BRD7: variants seen among roughly 807,000 people sequenced by gnomAD.
BRD7 encodes bromodomain-containing protein 7.
BRD7 carries 15 observed loss-of-function variants against 82.1 expected under a neutral mutation model. The ratio of observed to expected loss-of-function variants is 0.18; its 90% CI spans 0.12 to 0.28. The LOEUF is 0.28. BRD7 is among the 10% of genes least tolerant of loss of function. The pLI is 1.00. For missense variants in BRD7, 638 were observed against 779.9 expected (o/e 0.82, Z 2.17); for synonymous variants, 232 against 266.9 (o/e 0.87, Z 1.27).
At chr16:50,349,799 C>T (rs1478902379) in intron 5 of BRD7, among the ~76,000 whole-genome samples, 4 of 152,144 alleles carry the variant, frequency 2.6e-5, no homozygotes, top group Non-Finnish European at 4.4e-5. Flanking sequence ...CTCAAAATTT[C>T]GCTAAAGACA....
intron 9 of BRD7, among the ~76,000 whole-genome samples, chr16:50,327,012 G>A (rs754554823): frequency 4.6e-5 from 7 of 152,204 alleles, no homozygotes; most frequent in Non-Finnish European, 8.8e-5. Context: ...AAGAGTCTGA[G>A]TTTGTGTCAC....
chr16:50,325,711 T>A, intron 11 of BRD7, 37 bp downstream of exon 11: 1 of 1,544,356 alleles, frequency 6.5e-7, no homozygotes, highest in South Asian at 1.2e-5. Context: ...TTAATGTTTT[T>A]AAACAAATGT....
At chr16:50,319,461 T>C (rs559578272) in intron 16 of BRD7, among the ~76,000 whole-genome samples, 195 bp from the exon 17 acceptor site, 10 of 152,330 alleles carry the variant, frequency 6.6e-5, no homozygotes, top group Non-Finnish European at 1.3e-4. Context: ...ATTAATTCTT[T>C]AGACAAGATA....
intron 11 of BRD7, among the ~76,000 whole-genome samples, chr16:50,324,434 T>C (rs919801892): frequency 6.6e-6 from 1 of 152,178 alleles, no homozygotes; most frequent in Non-Finnish European, 1.5e-5. Context: ...CTGCTCGCAA[T>C]CCACCAGTAA....
Position 50,319,283 on chromosome 16 carries a change from T to C in BRD7, c.1901-17A>G. Reference sequence around the variant, plus strand: ...CTTCAGTGTCTGAAAGAAAAAGACATCACTTAATTCAACATTGTTTTTACC... The same window carrying C: ...CTTCAGTGTCTGAAAGAAAAAGACACCACTTAATTCAACATTGTTTTTACC... On this transcript the variant is annotated splice_polypyrimidine_tract_variant and intron_variant, in intron 16 of 16. Transcript: ENST00000394688. 6.2e-7 allele frequency: 1 copy of C among 1,610,018 alleles called. No individual in the cohort carries two copies. The highest frequency in any genetic ancestry group is 1.7e-4 in the Middle Eastern group (1 of 6,046).
chr16:50,323,944 C>T (rs1415652109), intron 11 of BRD7, among the ~76,000 whole-genome samples: 2 of 152,100 alleles, frequency 1.3e-5, no homozygotes, highest in African/African-American at 2.4e-5. Context: ...AGGCTCAGTC[C>T]CTGGATCTTC....
chr16:50,347,885 T>G (rs2038353920), intron 5 of BRD7, among the ~76,000 whole-genome samples: 1 of 152,202 alleles, frequency 6.6e-6, no homozygotes, highest in Non-Finnish European at 1.5e-5. Context: ...ACCAATGACT[T>G]TCTTCACAGA....
At chr16:50,323,736 C>T in intron 11 of BRD7, 38 bp from the exon 12 acceptor site, 16 of 1,481,176 alleles carry the variant, frequency 1.1e-5, no homozygotes, top group Non-Finnish European at 1.5e-5. Flanking sequence ...CATAAATCAC[C>T]TCCACTGGCT....
intron 13 of BRD7, 102 bp downstream of exon 13, chr16:50,321,880 C>T (rs941717570): frequency 4.6e-6 from 5 of 1,077,764 alleles, no homozygotes; most frequent in Non-Finnish European, 7.0e-6. Context: ...TACTCACTAA[C>T]CTTTTTCCTT....
At chr16:50,339,848 CTTTA>C (rs976612152) in intron 6 of BRD7, 124 bp downstream of exon 6, 14 of 446,274 alleles carry the variant, frequency 3.1e-5, no homozygotes, top group South Asian at 8.7e-5. Flanking sequence ...GTATTTTCTA[CTTTA>C]TTTAATATAA....
At chr16:50,330,863 G>C (rs2037534612) in intron 8 of BRD7, among the ~76,000 whole-genome samples, 1 of 151,822 alleles carries the variant, frequency 6.6e-6, no homozygotes, top group Admixed American at 6.6e-5. Flanking sequence ...AGTAATCTTA[G>C]GGTTTTCACT....
At chr16:50,362,902 G>A (rs1162190564) in intron 2 of BRD7, among the ~76,000 whole-genome samples, 1 of 152,146 alleles carries the variant, frequency 6.6e-6, no homozygotes, top group Non-Finnish European at 1.5e-5. Context: ...TAATTAAAAT[G>A]GTAAATTTTA....
intron 7 of BRD7, 129 bp from the exon 8 acceptor site, chr16:50,333,826 A>C: frequency 1.3e-6 from 1 of 792,478 alleles, no homozygotes; most frequent in Non-Finnish European, 1.9e-6. Context: ...ATTGAAACTT[A>C]CTTCCTTGAT....
intron 10 of BRD7, among the ~76,000 whole-genome samples, 189 bp from the exon 11 acceptor site, chr16:50,326,072 G>C (rs1344161508): frequency 1.3e-5 from 2 of 151,918 alleles, no homozygotes; most frequent in African/African-American, 4.8e-5. Flanking sequence ...CTACAAGGGA[G>C]AGGGAGAGGA....
chr16:50,316,807 C>CG lies in BRD7; in HGVS notation c.*2403dup, dbSNP rs1258825767. ...ACTTTTTCTGAATGGACTTCATAAC[C>CG]GGAAGACTTAACCGGTGGCCTCATC... On this transcript the variant is annotated 3_prime_UTR_variant, in exon 17 of 17. Transcript: ENST00000394688. 1 of 152,318 alleles carries CG rather than the reference C, an allele frequency of 6.6e-6. No homozygotes were observed. The highest frequency in any genetic ancestry group is 2.4e-5 in the African/African-American group (1 of 41,424). 9.4% of individuals were successfully genotyped at this position (152,318 alleles called of 1,614,324 possible). A position where few individuals can be genotyped will look rare whatever the true frequency, so the allele number is the denominator to read the frequency against.
intron 5 of BRD7, among the ~76,000 whole-genome samples, chr16:50,342,094 C>A (rs1457401997): frequency 6.6e-6 from 1 of 152,008 alleles, no homozygotes; most frequent in East Asian, 1.9e-4. Context: ...TTATGATAAA[C>A]CCTAACCTGC....
chr16:50,355,491 T>C (rs558551953), intron 2 of BRD7, among the ~76,000 whole-genome samples: 6 of 152,290 alleles, frequency 3.9e-5, no homozygotes, highest in African/African-American at 1.4e-4. Flanking sequence ...AATAAGACAA[T>C]GTGGGTCTGA....
chr16:50,360,430 T>C (rs567548363), intron 2 of BRD7, among the ~76,000 whole-genome samples: 39 of 152,324 alleles, frequency 2.6e-4, no homozygotes, highest in Middle Eastern at 3.4e-3. Flanking sequence ...TAGAATCCAA[T>C]GAAAAATGTT....
At chr16:50,362,203 C>G (rs886979623) in intron 2 of BRD7, among the ~76,000 whole-genome samples, 1 of 152,188 alleles carries the variant, frequency 6.6e-6, no homozygotes, top group Non-Finnish European at 1.5e-5. Context: ...CATGTACTCT[C>G]AGGAGCCTCA....
Sources: allele counts gnomAD v4.1 joint callset (sites outside exome capture counted in the v4.1 genomes callset), GRCh38; gene constraint gnomAD v4.1.1; transcripts MANE v1.5; gene names NCBI Gene and HGNC (gene_info 2026-07-23, HGNC 2026-07-21).